The following SNRPN variants were observed in gnomAD, a reference collection of about 807,000 sequenced individuals.
SNRPN encodes the protein small nuclear ribonucleoprotein-associated protein N.
In SNRPN, 7 loss-of-function variants were observed where a neutral mutation model predicts 25.2. The ratio of observed to expected loss-of-function variants is 0.28; its 90% CI spans 0.16 to 0.52. The LOEUF is 0.52. Ranked by LOEUF, SNRPN falls within the 20% of genes least tolerant of loss-of-function variation. The pLI is 0.96. For synonymous variants in SNRPN, 124 were observed against 110.6 expected (o/e 1.12, Z -0.76); for missense variants, 196 against 322.5 (o/e 0.61, Z 3.00).
chr15:24,955,156 G>A (rs220029), intron 1 of SNRPN, 94 bp downstream of exon 1: 107,396 of 1,533,254 alleles, frequency 0.07, 7,076 homozygotes, highest in African/African-American at 0.35. Flanking sequence ...TTGGAGTACT[G>A]AATAAACGGA....
intron 2 of SNRPN, among the ~76,000 whole-genome samples, chr15:24,893,266 A>C (rs1026578024): frequency 6.6e-6 from 1 of 151,638 alleles, no homozygotes; most frequent in East Asian, 2.0e-4. Flanking sequence ...AGTTTTTCCT[A>C]TAAGTCTGTA....
At chr15:24,938,161 A>G (rs554004738) in intron 3 of SNRPN, among the ~76,000 whole-genome samples, 1 of 144,070 alleles carries the variant, frequency 6.9e-6, no homozygotes, top group East Asian at 2.1e-4. Context: ...CCCAGGCTGG[A>G]GTCCAGTGCC....
At chr15:24,892,867 C>T (rs1313464712) in intron 2 of SNRPN, among the ~76,000 whole-genome samples, 1 of 151,912 alleles carries the variant, frequency 6.6e-6, no homozygotes, top group East Asian at 1.9e-4. Flanking sequence ...GATAAGTTTA[C>T]ATGGGAAGAT....
chr15:24,833,104 CAAAAAAAAAAA>C (rs10696281), intron 2 of SNRPN, among the ~76,000 whole-genome samples: 2 of 61,770 alleles, frequency 3.2e-5, no homozygotes, highest in African/African-American at 6.5e-5. Context: ...GACTCTGTCT[CAAAAAAAAAAA>C]AAAAAAAAAA....
In SNRPN at chr15:24,913,786, T is replaced by A. The variant is rs932205265; in HGVS notation, c.-504-6225T>A. Among the ~76,000 whole-genome samples, 3 of 152,116 alleles carry A rather than the reference T, an allele frequency of 2.0e-5. No homozygotes were observed. In the East Asian group the frequency reaches 5.8e-4, roughly 29 times the overall value. ...AGAGAAAAGCAAACAAGTTTATTAA[T>A]GTGTGTATTTCATCTACACATGGAA... On this transcript the variant is annotated intron_variant, in intron 2 of 11. Coordinates refer to the SNRPN transcript ENST00000400097.
At chr15:24,830,863 G>C (rs2050456127) in intron 2 of SNRPN, among the ~76,000 whole-genome samples, 2 of 152,048 alleles carry the variant, frequency 1.3e-5, no homozygotes, top group African/African-American at 4.8e-5. Context: ...ATCTCGATGA[G>C]TGGTCCTGTG....
chr15:24,973,564 A>AT (rs1052084981), intron 3 of SNRPN, among the ~76,000 whole-genome samples: 1 of 151,646 alleles, frequency 6.6e-6, no homozygotes, highest in African/African-American at 2.4e-5. Context: ...TGCCTGGCTA[A>AT]TTTTTTTGTA....
chr15:24,853,742 AT>A (rs1397656270), upstream of SNRPN, among the ~76,000 whole-genome samples: 1 of 152,194 alleles, frequency 6.6e-6, no homozygotes, highest in Non-Finnish European at 1.5e-5. Context: ...TTCTTATCAC[AT>A]CATACCAATG....
At chr15:24,838,865 A>G (rs2051443435) in intron 2 of SNRPN, among the ~76,000 whole-genome samples, 1 of 152,082 alleles carries the variant, frequency 6.6e-6, no homozygotes, top group Non-Finnish European at 1.5e-5. Flanking sequence ...GTGAGATCCC[A>G]TAGAAAGTGG....
At chr15:24,870,756 C>A (rs1001331107) in intron 1 of SNRPN, among the ~76,000 whole-genome samples, 1 of 151,922 alleles carries the variant, frequency 6.6e-6, no homozygotes, top group South Asian at 2.1e-4. Flanking sequence ...ATTTCTTATT[C>A]ATTTTTCTTA....
intron 2 of SNRPN, among the ~76,000 whole-genome samples, chr15:24,837,370 ATTT>A (rs34338870): frequency 8.9e-5 from 13 of 146,194 alleles, no homozygotes; most frequent in African/African-American, 2.3e-4. Flanking sequence ...GGGGCTACAG[ATTT>A]TTTTTTTTTT....
intron 1 of SNRPN, among the ~76,000 whole-genome samples, chr15:24,958,500 T>TTG (rs2074231426): frequency 7.5e-6 from 1 of 133,692 alleles, no homozygotes; most frequent in East Asian, 2.3e-4. Flanking sequence ...TTTTTTTTTT[T>TTG]TTTTTTTTTT....
intron 3 of SNRPN, among the ~76,000 whole-genome samples, chr15:24,930,800 G>A (rs2060793791): frequency 6.6e-6 from 1 of 151,906 alleles, no homozygotes; most frequent in Non-Finnish European, 1.5e-5. Flanking sequence ...TCGGGAGGCT[G>A]AGGCAGGAGA....
intron 2 of SNRPN, among the ~76,000 whole-genome samples, chr15:24,919,383 A>C (rs1024488252): frequency 6.6e-6 from 1 of 151,042 alleles, no homozygotes; most frequent in Non-Finnish European, 1.5e-5. Context: ...GTGAGCCGAG[A>C]TAGCGCCACT....
chr15:24,907,945 C>T (rs772406982), intron 2 of SNRPN, among the ~76,000 whole-genome samples: 2 of 147,498 alleles, frequency 1.4e-5, no homozygotes, highest in East Asian at 2.2e-4. Flanking sequence ...GCCAGCTACT[C>T]GGGGGGCTGA....
chr15:24,910,474 C>A (rs1429501376), intron 2 of SNRPN, among the ~76,000 whole-genome samples: 2 of 149,676 alleles, frequency 1.3e-5, no homozygotes, highest in African/African-American at 4.9e-5. Context: ...GATCCCATCT[C>A]AAAAAAAAAT....
At chr15:24,837,669 T>TG (rs1325465464) in intron 2 of SNRPN, among the ~76,000 whole-genome samples, 5 of 148,958 alleles carry the variant, frequency 3.4e-5, no homozygotes, top group Non-Finnish European at 7.4e-5. Flanking sequence ...ATGCCCGGCT[T>TG]GGGGGGCTAC....
intron 3 of SNRPN, among the ~76,000 whole-genome samples, chr15:24,923,918 TAAAC>T (rs1399341832): frequency 0.03 from 3,140 of 103,224 alleles, 108 homozygotes; most frequent in Middle Eastern, 0.11. Context: ...TGTGTGTATA[TAAAC>T]ATTTTTTTTT....
At chr15:24,958,486 GTTTTTTTTTTTTTTTTT>G (rs71127030) in intron 1 of SNRPN, among the ~76,000 whole-genome samples, 85 of 65,302 alleles carry the variant, frequency 1.3e-3, no homozygotes, top group Middle Eastern at 0.022. Flanking sequence ...CTGGCTCAAA[GTTTTTTTTTTTTTTTTT>G]TTTTTTTTTT....
Sources: gnomAD v4.1 joint callset for allele counts (sites outside exome capture counted in the v4.1 genomes callset) on GRCh38, gnomAD v4.1.1 for gene constraint, MANE v1.5 for transcripts, NCBI Gene and HGNC (gene_info 2026-07-23, HGNC 2026-07-21) for gene names.